TMEFF1: variants seen among roughly 807,000 people sequenced by gnomAD.
The protein encoded by TMEFF1 is tomoregulin-1.
A neutral mutation model predicts 47.5 loss-of-function variants in TMEFF1; 20 were observed. The ratio of observed to expected loss-of-function variants is 0.42; its 90% CI spans 0.30 to 0.61. The LOEUF is 0.61. TMEFF1 is among the 20% of genes least tolerant of loss of function. TMEFF1 has a pLI of 0.19. For missense variants in TMEFF1, 411 were observed against 471.1 expected (o/e 0.87, Z 1.18); for synonymous variants, 162 against 166.3 (o/e 0.97, Z 0.20).
At chr9:100,483,445 C>T (rs1251315305) in intron 1 of TMEFF1, among the ~76,000 whole-genome samples, 3 of 151,926 alleles carry the variant, frequency 2.0e-5, no homozygotes, top group Non-Finnish European at 2.9e-5. Flanking sequence ...TGCAGTGAGC[C>T]GAGATCGCAC....
At chr9:100,516,882 A>C (rs946532218) in intron 5 of TMEFF1, 111 bp downstream of exon 5, 1 of 1,213,976 alleles carries the variant, frequency 8.2e-7, no homozygotes. Context: ...GTGTTTTCAA[A>C]TTTTTTTTTT....
intron 5 of TMEFF1, among the ~76,000 whole-genome samples, chr9:100,539,533 G>T (rs1226233641): frequency 6.6e-6 from 1 of 152,148 alleles, no homozygotes; most frequent in Admixed American, 6.5e-5. Context: ...GAGTGTTACA[G>T]CTCTTAAAGG....
intron 7 of TMEFF1, among the ~76,000 whole-genome samples, chr9:100,555,943 A>G (rs1486047847): frequency 2.6e-5 from 4 of 152,192 alleles, no homozygotes; most frequent in African/African-American, 4.8e-5. Flanking sequence ...TTTTGCCCAT[A>G]TAGAATGGCA....
chr9:100,492,417 C>T (rs1837572046), intron 1 of TMEFF1, among the ~76,000 whole-genome samples: 1 of 152,164 alleles, frequency 6.6e-6, no homozygotes, highest in Non-Finnish European at 1.5e-5. Flanking sequence ...ACTACATAGG[C>T]TGGGTAGCTG....
intron 8 of TMEFF1, among the ~76,000 whole-genome samples, chr9:100,569,586 G>T (rs1366045415): frequency 2.7e-5 from 4 of 150,862 alleles, no homozygotes; most frequent in African/African-American, 9.8e-5. Context: ...TTTGATTTTT[G>T]GTGTCATATC....
At chr9:100,496,384 C>T (rs1466648622) in intron 1 of TMEFF1, among the ~76,000 whole-genome samples, 1 of 152,198 alleles carries the variant, frequency 6.6e-6, no homozygotes, top group Non-Finnish European at 1.5e-5. Flanking sequence ...GGACTACAGG[C>T]ATGTACCACC....
chr9:100,507,791 A>G (rs980328556), intron 2 of TMEFF1, among the ~76,000 whole-genome samples: 6 of 152,162 alleles, frequency 3.9e-5, no homozygotes, highest in African/African-American at 1.4e-4. Context: ...TCAATTAAAC[A>G]TTGTCTTGTT....
rs1837799039 is a variant in TMEFF1, at chr9:100,503,157, C to T, written c.306+4283C>T. On this transcript the variant is annotated intron_variant, in intron 2 of 9. Coordinates refer to ENST00000374879, the MANE Select transcript of TMEFF1 (RefSeq NM_003692.5). Reference sequence around the variant, plus strand: ...TCATTTTAAAAACTTGCTTATGATTCAGCATGCTTTTAGTGCTAAATAGAA... The same window carrying T: ...TCATTTTAAAAACTTGCTTATGATTTAGCATGCTTTTAGTGCTAAATAGAA... Among the ~76,000 whole-genome samples, 3 of 152,092 alleles carry T rather than the reference C, an allele frequency of 2.0e-5. No homozygotes were observed. The South Asian group carries it at 6.2e-4, about 31-fold the overall frequency.
intron 5 of TMEFF1, among the ~76,000 whole-genome samples, chr9:100,519,181 G>A (rs749417572): frequency 2.0e-5 from 3 of 152,060 alleles, no homozygotes; most frequent in East Asian, 1.9e-4. Flanking sequence ...GCACTTTGGC[G>A]GGCAGAGCAT....
At chr9:100,506,901 C>T (rs1253814487) in intron 2 of TMEFF1, among the ~76,000 whole-genome samples, 1 of 150,278 alleles carries the variant, frequency 6.7e-6, no homozygotes, top group Non-Finnish European at 1.5e-5. Context: ...TATTTTTAAA[C>T]TTCAGCTTTT....
chr9:100,508,375 A>G (rs1837900408), intron 2 of TMEFF1, among the ~76,000 whole-genome samples: 1 of 152,020 alleles, frequency 6.6e-6, no homozygotes, highest in South Asian at 2.1e-4. Context: ...CTCATCTTTC[A>G]GGGCTCAGTT....
rs142627206 is a variant in TMEFF1 at position 100,502,519 on chromosome 9, C to T, written c.306+3645C>T. On this transcript the variant is annotated intron_variant, in intron 2 of 9. Coordinates refer to ENST00000374879, the MANE Select transcript of TMEFF1 (RefSeq NM_003692.5). Reference sequence around the variant, plus strand: ...GGACAGCAGGTGTGCATCACCACACCTGGCTGATTAAAAAAATTTTTTTTT... The same window carrying T: ...GGACAGCAGGTGTGCATCACCACACTTGGCTGATTAAAAAAATTTTTTTTT... Among the ~76,000 whole-genome samples the T allele has an allele frequency of 3.1e-3, 474 of 152,168 alleles. 2 individuals carry two copies. Among genetic ancestry groups the T allele is most frequent in the African/African-American group, 0.011 (446 of 41,514 alleles).
chr9:100,536,229 C>A (rs1838503740), intron 5 of TMEFF1, among the ~76,000 whole-genome samples: 1 of 152,040 alleles, frequency 6.6e-6, no homozygotes, highest in East Asian at 1.9e-4. Flanking sequence ...AAATACTGTT[C>A]TTTAGTAGAA....
chr9:100,515,610 A>ACCCC (rs1413249608), intron 4 of TMEFF1, among the ~76,000 whole-genome samples: 1 of 151,922 alleles, frequency 6.6e-6, no homozygotes, highest in East Asian at 1.9e-4. Flanking sequence ...ACATAGTGAA[A>ACCCC]CCCCGTCTCT....
intron 7 of TMEFF1, among the ~76,000 whole-genome samples, chr9:100,556,735 C>G (rs1032352194): frequency 3.9e-5 from 6 of 152,196 alleles, no homozygotes; most frequent in Non-Finnish European, 8.8e-5. Context: ...TGAGCTCATT[C>G]ACTTTCCAAA....
intron 5 of TMEFF1, among the ~76,000 whole-genome samples, chr9:100,520,729 T>C (rs375864828): frequency 2.6e-4 from 39 of 152,336 alleles, no homozygotes; most frequent in African/African-American, 8.4e-4. Flanking sequence ...TTCTGAGCAG[T>C]TCTGTTTGGT....
At chr9:100,499,960 G>A (rs1047924553) in intron 2 of TMEFF1, among the ~76,000 whole-genome samples, 2 of 152,144 alleles carry the variant, frequency 1.3e-5, no homozygotes, top group African/African-American at 4.8e-5. Context: ...AATGATAGGA[G>A]GGTTTCTCTT....
In TMEFF1 at chr9:100,571,425, A is replaced by G. The variant is rs574762209; in HGVS notation, c.900-1093A>G. On this transcript the variant is annotated intron_variant, in intron 8 of 9. Coordinates refer to ENST00000374879, the MANE Select transcript of TMEFF1 (RefSeq NM_003692.5). ...AGTATTATATTTCTGTTTTGAAATT[A>G]TATGTATCTATTTTGAAAAAAATGC... is the stretch of plus-strand genomic sequence containing the variant. Among the ~76,000 whole-genome samples, 14 of 152,302 alleles carry G rather than the reference A, an allele frequency of 9.2e-5. No homozygotes were observed. In the South Asian group the frequency reaches 2.9e-3, roughly 32 times the overall value.
chr9:100,542,909 A>ATC (rs1378920724), intron 5 of TMEFF1, among the ~76,000 whole-genome samples: 8 of 139,888 alleles, frequency 5.7e-5, no homozygotes, highest in African/African-American at 1.1e-4. Context: ...TGACTCTTCC[A>ATC]TCTCTCTCTC....
Sources: gnomAD v4.1 joint callset for allele counts (sites outside exome capture counted in the v4.1 genomes callset) on GRCh38, gnomAD v4.1.1 for gene constraint, MANE v1.5 for transcripts, NCBI Gene and HGNC (gene_info 2026-07-23, HGNC 2026-07-21) for gene names.